Variants in HECW1 observed in about 807,000 individuals in gnomAD.
The protein encoded by HECW1 is HECT, C2 and WW domain containing E3 ubiquitin protein ligase 1.
A neutral mutation model predicts 182.3 loss-of-function variants in HECW1; 61 were observed. That is an observed-to-expected ratio of 0.33 (90% CI 0.27 to 0.41). The LOEUF (loss-of-function observed/expected upper bound fraction) is 0.41. HECW1 is among the 10% of genes least tolerant of loss of function. HECW1 has a pLI of 1.00. For missense variants in HECW1, 1,739 were observed against 2,108.9 expected, an observed-to-expected ratio of 0.82 and a Z score of 3.44; for synonymous variants, 859 against 832.6, an observed-to-expected ratio of 1.03 and a Z score of -0.55.
rs1357434366 is a variant in HECW1 at position 43,478,682 on chromosome 7, G to GA, written c.3100-922dup. Among the ~76,000 whole-genome samples, 11 of 151,716 alleles carry GA rather than the reference G, an allele frequency of 7.3e-5. No homozygotes were observed. In the East Asian group the frequency reaches 1.9e-3, roughly 27 times the overall value. ...GTATAGAAAAGAAAAAACTAAGGAGGAAAAAATCAAAATTTTTTTTGATTT... is the reference window on the plus strand; with the variant it reads ...GTATAGAAAAGAAAAAACTAAGGAGGAAAAAAATCAAAATTTTTTTTGATTT... On this transcript the variant is annotated intron_variant, in intron 16 of 29. Transcript: ENST00000395891.
chr7:43,198,142 ACT>A (rs1004319538), intron 2 of HECW1, among the ~76,000 whole-genome samples: 6 of 145,578 alleles, frequency 4.1e-5, no homozygotes, highest in African/African-American at 7.7e-5. Context: ...CACACCCCAC[ACT>A]CTCTCACACT....
chr7:43,481,767 G>C (rs534016293), intron 17 of HECW1, among the ~76,000 whole-genome samples: 11 of 151,986 alleles, frequency 7.2e-5, no homozygotes, highest in Middle Eastern at 3.2e-3. Context: ...GGCAGATCAC[G>C]AGGTCAGGAG....
chr7:43,247,637 A>G (rs6974993), intron 3 of HECW1, among the ~76,000 whole-genome samples: 38,520 of 143,862 alleles, frequency 0.27, 6,030 homozygotes, highest in African/African-American at 0.44. Context: ...GATGCTATGG[A>G]AGGAAAGAAA....
At chr7:43,441,099 G>A (rs2076872382) in intron 9 of HECW1, among the ~76,000 whole-genome samples, 1 of 152,166 alleles carries the variant, frequency 6.6e-6, no homozygotes, top group African/African-American at 2.4e-5. Context: ...ATCCAAAGGT[G>A]GTCACTCTTC....
chr7:43,121,179 T>C (rs1340674329), intron 2 of HECW1, among the ~76,000 whole-genome samples: 2 of 152,292 alleles, frequency 1.3e-5, no homozygotes, highest in East Asian at 3.9e-4. Flanking sequence ...TAGCTTGAGC[T>C]TGTCTTTGCT....
At chr7:43,412,425 T>TTTTA (rs200549707) in intron 8 of HECW1, among the ~76,000 whole-genome samples, 33,471 of 146,896 alleles carry the variant, frequency 0.23, 4,284 homozygotes, top group East Asian at 0.58. Context: ...TTTTCATTTC[T>TTTTA]TTTATTTATT....
intron 6 of HECW1, among the ~76,000 whole-genome samples, chr7:43,373,551 A>G (rs1238855935): frequency 6.6e-6 from 1 of 151,898 alleles, no homozygotes; most frequent in African/African-American, 2.4e-5. Flanking sequence ...GCCTACAAAT[A>G]CAAATTTGAG....
At chr7:43,394,629 G>A (rs1172381077) in intron 6 of HECW1, among the ~76,000 whole-genome samples, 8 of 152,256 alleles carry the variant, frequency 5.3e-5, no homozygotes, top group Admixed American at 4.6e-4. Context: ...GCATCCAATG[G>A]TCTAGATCTG....
chr7:43,294,664 T>C (rs531526845), intron 3 of HECW1, among the ~76,000 whole-genome samples: 10 of 152,304 alleles, frequency 6.6e-5, no homozygotes, highest in African/African-American at 1.7e-4. Flanking sequence ...CCTGCTGACA[T>C]TGGGAGAGCC....
intron 2 of HECW1, chr7:43,207,995 G>A (rs543323026): frequency 6.6e-6 from 1 of 152,324 alleles, no homozygotes; most frequent in South Asian, 2.1e-4. Flanking sequence ...GAGTTGTGAT[G>A]TTACCTCAAT....
intron 24 of HECW1, among the ~76,000 whole-genome samples, chr7:43,540,891 AT>A (rs1185123319): frequency 1.3e-5 from 2 of 152,022 alleles, no homozygotes; most frequent in African/African-American, 4.8e-5. Flanking sequence ...TTGGGTCCTC[AT>A]TCTCCACGGT....
intron 27 of HECW1, among the ~76,000 whole-genome samples, 175 bp downstream of exon 27, chr7:43,550,766 T>C (rs1308371603): frequency 6.6e-6 from 1 of 152,196 alleles, no homozygotes; most frequent in Non-Finnish European, 1.5e-5. Flanking sequence ...GAGGATCTTC[T>C]TGTGGTGGAG....
rs201923562 is a variant in HECW1, at chr7:43,422,373, T to G, written c.801+14642T>G. Among the ~76,000 whole-genome samples, 258 of 150,748 alleles carry G rather than the reference T, an allele frequency of 1.7e-3. 3 individuals are homozygous for G. The East Asian group carries it at 0.031, about 18-fold the overall frequency. The stretch of plus-strand genomic sequence containing the variant: ...ATTGTTTTTTGGTTGTTGTTGTTTT[T>G]TTTTTTTTTTGAGGAGTCTCGCTCT... On this transcript the variant is annotated intron_variant, in intron 8 of 29. Coordinates refer to ENST00000395891, the MANE Select transcript of HECW1 (RefSeq NM_015052.5).
intron 3 of HECW1, among the ~76,000 whole-genome samples, chr7:43,262,923 C>T (rs985498435): frequency 3.3e-4 from 50 of 152,214 alleles, no homozygotes; most frequent in African/African-American, 1.2e-3. Context: ...ACAAGGAGGT[C>T]GCTTCCACCC....
At chr7:43,554,537 A>G (rs897413468) in intron 28 of HECW1, 55 bp from the exon 29 acceptor site, 126 of 1,470,142 alleles carry the variant, frequency 8.6e-5, no homozygotes, top group Non-Finnish European at 1.1e-4. Flanking sequence ...CTCCCTCCTC[A>G]CCCCTTCCTC....
intron 6 of HECW1, among the ~76,000 whole-genome samples, chr7:43,368,207 G>C (rs1562894025): frequency 6.6e-6 from 1 of 152,180 alleles, no homozygotes; most frequent in African/African-American, 2.4e-5. Context: ...CAAGAAAACA[G>C]GCAATGACAG....
In HECW1 at chr7:43,479,679, C is replaced by G; in HGVS notation, c.3169C>G (p.Arg1057Gly). 3 of 1,614,064 alleles carry G rather than the reference C, an allele frequency of 1.9e-6. No homozygotes were observed. The highest frequency in any genetic ancestry group is 2.5e-6 in the Non-Finnish European group (3 of 1,179,972). The change falls in exon 17 of 30, where the codon CGT (arginine) becomes GGT (glycine). Residue 1057 changes from arginine to glycine, a missense_variant. By Grantham distance (125) the Arg-to-Gly change is moderately radical (BLOSUM62 -2). This residue lies in a region of HECW1 where 971 missense variants were observed against 1,029.1 expected (regional missense o/e 0.94). Coordinates refer to ENST00000395891, the MANE Select transcript of HECW1 (RefSeq NM_015052.5). The part of the protein sequence containing the change: ...IDPRIPLQNG[R>G]LPNHLTHRQH... ...CCCCCGAATCCCTCTTCAGAACGGT[C>G]GTCTTCCCAATCATCTAACTCACCG...
At position 43,149,118 on chromosome 7, in the gene HECW1, T is replaced by A. The variant is rs551396867; in HGVS notation, c.-32+34727T>A. On this transcript the variant is annotated intron_variant, in intron 2 of 29. Coordinates refer to ENST00000395891, the MANE Select transcript of HECW1 (RefSeq NM_015052.5). ...AGAAGCTAAAAAGTTTTAGGAGAAA[T>A]ACAATATTTGCATAGTATCAATGTA... Among the ~76,000 whole-genome samples the A allele has an allele frequency of 3.3e-5, 5 of 152,232 alleles. No individual in the cohort carries two copies. The East Asian group carries it at 9.7e-4, about 29-fold the overall frequency.
intron 2 of HECW1, among the ~76,000 whole-genome samples, chr7:43,237,610 T>C (rs772416873): frequency 6.6e-6 from 1 of 152,212 alleles, no homozygotes; most frequent in Non-Finnish European, 1.5e-5. Context: ...GAGGATCAAA[T>C]GGGTTAATAT....
Sources: gnomAD v4.1 joint callset for allele counts (sites outside exome capture counted in the v4.1 genomes callset) on GRCh38, gnomAD v4.1.1 for gene constraint, gnomAD v4.1.1 regional missense constraint, MANE v1.5 for transcripts, NCBI Gene and HGNC (gene_info 2026-07-23, HGNC 2026-07-21) for gene names.